The following NRXN3 variants were observed in gnomAD, a reference collection of about 807,000 sequenced individuals.
The protein encoded by NRXN3 is neurexin 3.
In NRXN3, 32 loss-of-function variants were observed where a neutral mutation model predicts 137.6. The ratio of observed to expected loss-of-function variants is 0.23; its 90% CI spans 0.18 to 0.31. NRXN3 has a LOEUF of 0.31. Among genes scored for constraint, NRXN3 ranks in the 10% least tolerant of loss-of-function variants. The pLI is 1.00. For synonymous variants in NRXN3, 798 were observed against 784.5 expected (o/e 1.02, Z -0.29); for missense variants, 1,574 against 2,062.5 (o/e 0.76, Z 4.59).
At chr14:78,668,503 G>T (rs754682699) in intron 6 of NRXN3, among the ~76,000 whole-genome samples, 1 of 152,182 alleles carries the variant, frequency 6.6e-6, no homozygotes, top group Non-Finnish European at 1.5e-5. Context: ...TGAAACTAGG[G>T]TGGAGGAGTG....
rs116037230 is a variant in NRXN3 at position 79,330,126 on chromosome 14, C to T, written c.3263-137095C>T. On this transcript the variant is annotated intron_variant, in intron 15 of 20. Coordinates refer to ENST00000335750, the MANE Select transcript of NRXN3 (RefSeq NM_001330195.2). ...ATTACAGGTGTGAGCCACCGTGCCT[C>T]GCCCATCAAAAGAGATTTTTAGTGA... 1.1e-3 allele frequency among the ~76,000 whole-genome samples: 171 copies of T among 151,928 alleles called. 1 individual carries two copies. The highest frequency in any genetic ancestry group is 4.0e-3 in the African/African-American group (164 of 41,452).
intron 10 of NRXN3, among the ~76,000 whole-genome samples, chr14:78,859,781 T>A (rs1375573161): frequency 6.6e-6 from 1 of 152,142 alleles, no homozygotes; most frequent in Non-Finnish European, 1.5e-5. Context: ...AAAATTCATA[T>A]AGAATACCTT....
At chr14:78,792,462 G>A (rs1469787131) in intron 8 of NRXN3, among the ~76,000 whole-genome samples, 1 of 152,048 alleles carries the variant, frequency 6.6e-6, no homozygotes, top group Non-Finnish European at 1.5e-5. Context: ...GAGATATAAA[G>A]AGGGCAGATG....
chr14:79,123,186 C>T (rs988714267), intron 15 of NRXN3, among the ~76,000 whole-genome samples: 2 of 152,000 alleles, frequency 1.3e-5, no homozygotes, highest in Non-Finnish European at 2.9e-5. Context: ...GATGGAGCTA[C>T]AATGAAATGA....
At chr14:79,501,293 C>T (rs60701970) in intron 16 of NRXN3, among the ~76,000 whole-genome samples, 5,988 of 152,170 alleles carry the variant, frequency 0.039, 277 homozygotes, top group East Asian at 0.12. Context: ...TTGCCCCCTC[C>T]CTCCCCCGCT....
chr14:78,442,867 T>C (rs1294545033), intron 4 of NRXN3, among the ~76,000 whole-genome samples: 1 of 152,184 alleles, frequency 6.6e-6, no homozygotes, highest in East Asian at 1.9e-4. Context: ...ATAAGAGCAA[T>C]TGACATTTGT....
intron 4 of NRXN3, among the ~76,000 whole-genome samples, chr14:78,400,103 A>G (rs2091908218): frequency 6.6e-6 from 1 of 152,126 alleles, no homozygotes; most frequent in Non-Finnish European, 1.5e-5. Context: ...ATTTTACTTC[A>G]TTCTATTAGA....
chr14:78,435,480 G>A lies in NRXN3; in HGVS notation c.757+137620G>A, dbSNP rs182405262. Among the ~76,000 whole-genome samples the A allele has an allele frequency of 7.2e-5, 11 of 152,222 alleles. No homozygotes were observed. The East Asian group carries it at 7.7e-4, about 11-fold the overall frequency. On this transcript the variant is annotated intron_variant, in intron 4 of 20. Coordinates refer to ENST00000335750, the MANE Select transcript of NRXN3 (RefSeq NM_001330195.2). ...TGCTCTGCCTCCTGGGTTAGTCACC[G>A]CACTCACATTAAAGACCTTTTTCTT...
At chr14:78,738,286 G>A (rs181533566) in intron 8 of NRXN3, among the ~76,000 whole-genome samples, 12 of 152,312 alleles carry the variant, frequency 7.9e-5, no homozygotes, top group African/African-American at 2.9e-4. Context: ...CCCTTAAGGA[G>A]CCAGCAGTTT....
intron 15 of NRXN3, among the ~76,000 whole-genome samples, chr14:79,368,604 G>A (rs961721844): frequency 1.3e-5 from 2 of 152,138 alleles, no homozygotes; most frequent in African/African-American, 2.4e-5. Context: ...AAAGGGTAAT[G>A]AGTTAATTTG....
chr14:79,241,542 G>C (rs1165751195), intron 15 of NRXN3, among the ~76,000 whole-genome samples: 1 of 152,138 alleles, frequency 6.6e-6, no homozygotes, highest in East Asian at 1.9e-4. Flanking sequence ...CACGAGAACA[G>C]TATGAGGGAA....
chr14:78,188,646 A>G (rs2060450037), intron 1 of NRXN3, among the ~76,000 whole-genome samples: 1 of 152,190 alleles, frequency 6.6e-6, no homozygotes, highest in South Asian at 2.1e-4. Context: ...GGTTATTATA[A>G]TTTGGATTTC....
intron 9 of NRXN3, among the ~76,000 whole-genome samples, chr14:78,804,636 C>T (rs1235330376): frequency 6.6e-6 from 1 of 152,134 alleles, no homozygotes; most frequent in African/African-American, 2.4e-5. Flanking sequence ...AGGATTTTCT[C>T]TTTCATTGTA....
chr14:78,330,956 A>G (rs1167759213), intron 4 of NRXN3, among the ~76,000 whole-genome samples: 1 of 151,998 alleles, frequency 6.6e-6, no homozygotes, highest in Non-Finnish European at 1.5e-5. Context: ...ATTTCCTAAC[A>G]TTTCCCAGTT....
At chr14:78,550,552 T>C (rs2096678489) in intron 4 of NRXN3, among the ~76,000 whole-genome samples, 1 of 151,848 alleles carries the variant, frequency 6.6e-6, no homozygotes, top group Admixed American at 6.6e-5. Flanking sequence ...AAAAAAAAAA[T>C]TCATGCCAGA....
chr14:79,804,426 C>T (rs2099195298), intron 19 of NRXN3, among the ~76,000 whole-genome samples: 1 of 152,106 alleles, frequency 6.6e-6, no homozygotes, highest in African/African-American at 2.4e-5. Context: ...TAAAAGGTGC[C>T]TCAAGTCGAA....
intron 16 of NRXN3, among the ~76,000 whole-genome samples, chr14:79,590,910 C>G (rs1257504581): frequency 2.0e-5 from 3 of 152,176 alleles, no homozygotes; most frequent in Admixed American, 2.0e-4. Context: ...TATGCTGTCT[C>G]TCAAGCCCTA....
chr14:78,537,793 A>T (rs906746889), intron 4 of NRXN3, among the ~76,000 whole-genome samples: 1 of 152,000 alleles, frequency 6.6e-6, no homozygotes, highest in African/African-American at 2.4e-5. Flanking sequence ...TGTATAAGGT[A>T]TAAGGAAGGG....
At chr14:79,107,371 C>T (rs889483613) in intron 15 of NRXN3, among the ~76,000 whole-genome samples, 1 of 152,044 alleles carries the variant, frequency 6.6e-6, no homozygotes, top group Admixed American at 6.6e-5. Flanking sequence ...TAATGCTTGG[C>T]AGAGGGTGAA....
Sources: gnomAD v4.1 joint callset for allele counts (sites outside exome capture counted in the v4.1 genomes callset) on GRCh38, gnomAD v4.1.1 for gene constraint, MANE v1.5 for transcripts, NCBI Gene and HGNC (gene_info 2026-07-23, HGNC 2026-07-21) for gene names.